Variants in ULK4 observed in about 807,000 individuals in gnomAD.
ULK4 encodes the protein inactive serine/threonine-protein kinase ULK4.
ULK4 carries 133 observed loss-of-function variants against 160.6 expected under a neutral mutation model. The observed-to-expected ratio is 0.83, with a 90% CI of 0.72 to 0.96. The LOEUF (loss-of-function observed/expected upper bound fraction) is 0.96, where lower values mean the gene tolerates loss of function less well. Ranked by LOEUF, ULK4 falls within the 40% of genes least tolerant of loss-of-function variation. The probability of loss-of-function intolerance (pLI) is 0.00; values close to 1 mark genes in which losing one functional copy is unlikely to be tolerated. For synonymous variants in ULK4, 534 were observed against 539.8 expected, an observed-to-expected ratio of 0.99 and a Z score of 0.15; for missense variants, 1,580 against 1,499.5, an observed-to-expected ratio of 1.05 and a Z score of -0.89.
intron 30 of ULK4, among the ~76,000 whole-genome samples, chr3:41,632,138 A>T (rs1179622461): frequency 6.6e-6 from 1 of 152,154 alleles, no homozygotes; most frequent in Non-Finnish European, 1.5e-5. Flanking sequence ...CACATGTAAG[A>T]GGTATGCACA....
intron 32 of ULK4, among the ~76,000 whole-genome samples, chr3:41,482,214 A>G (rs1245333604): frequency 6.6e-6 from 1 of 152,168 alleles, no homozygotes; most frequent in African/African-American, 2.4e-5. Flanking sequence ...GTTACTGTGC[A>G]GCAGCCAGTC....
intron 32 of ULK4, among the ~76,000 whole-genome samples, chr3:41,506,807 T>TATATATATATATAC (rs1559658299): frequency 2.9e-4 from 32 of 110,688 alleles, no homozygotes; most frequent in African/African-American, 1.1e-3. Flanking sequence ...TATATATATA[T>TATATATATATATAC]GAACATGTTT....
In ULK4 at chr3:41,836,008, A is replaced by T. The variant is rs1188815950; in HGVS notation, c.1657-37T>A. 3 of 1,361,296 alleles carry T rather than the reference A, an allele frequency of 2.2e-6. No homozygotes were observed. The African/African-American group carries it at 4.5e-5, about 20-fold the overall frequency. The allele number at this position is 1,361,296 out of a possible 1,614,324, so 84.3% of individuals were successfully genotyped here. ...AAAAAAAAAAAAGTAAATTATTTCAAATGTATCTCTCAGTTCTTAAACCTA... is the reference window on the plus strand; with the variant it reads ...AAAAAAAAAAAAGTAAATTATTTCATATGTATCTCTCAGTTCTTAAACCTA... On this transcript the variant is annotated intron_variant, in intron 17 of 36. Transcript: ENST00000301831.
intron 27 of ULK4, among the ~76,000 whole-genome samples, chr3:41,686,343 G>A (rs2036100217): frequency 6.6e-6 from 1 of 152,098 alleles, no homozygotes; most frequent in South Asian, 2.1e-4. Flanking sequence ...GAAAAGCCAG[G>A]GTTTCTTGGA....
chr3:41,319,985 A>C (rs2080217265), intron 35 of ULK4, among the ~76,000 whole-genome samples: 1 of 152,242 alleles, frequency 6.6e-6, no homozygotes, highest in South Asian at 2.1e-4. Flanking sequence ...CATAACTTAA[A>C]GTTCAGTAGT....
chr3:41,467,665 G>T (rs2083869078), intron 32 of ULK4, among the ~76,000 whole-genome samples: 1 of 151,904 alleles, frequency 6.6e-6, no homozygotes, highest in African/African-American at 2.4e-5. Flanking sequence ...CAAGAACATA[G>T]ATGAATCTCA....
At chr3:41,514,262 G>A (rs949295898) in intron 32 of ULK4, among the ~76,000 whole-genome samples, 3 of 152,090 alleles carry the variant, frequency 2.0e-5, no homozygotes, top group Non-Finnish European at 4.4e-5. Context: ...AGCCTTTTTG[G>A]GGGGACAACT....
chr3:41,512,513 C>T lies in ULK4; in HGVS notation c.3227-49260G>A, dbSNP rs576168500. Among the ~76,000 whole-genome samples the T allele has an allele frequency of 3.1e-4, 47 of 152,266 alleles. 1 individual carries two copies. The highest frequency in any genetic ancestry group is 1.1e-3 in the African/African-American group (47 of 41,554). On this transcript the variant is annotated intron_variant, in intron 32 of 36. Transcript: ENST00000301831. ...TGAGAATCAAATCAAGAACTCAACC[C>T]TTTTTACAATAGCTGTAAAAATTAA...
chr3:41,950,041 T>G (rs1392679019), intron 2 of ULK4, among the ~76,000 whole-genome samples: 1 of 152,058 alleles, frequency 6.6e-6, no homozygotes, highest in East Asian at 1.9e-4. Context: ...TGGCACGGTC[T>G]GATGAGTTTT....
intron 32 of ULK4, among the ~76,000 whole-genome samples, chr3:41,562,640 T>C (rs1034239197): frequency 1.3e-5 from 2 of 152,196 alleles, no homozygotes; most frequent in African/African-American, 2.4e-5. Flanking sequence ...TTTTCATCTT[T>C]GTTGGTTTAA....
At chr3:41,780,283 C>T (rs2039790233) in intron 21 of ULK4, among the ~76,000 whole-genome samples, 1 of 151,826 alleles carries the variant, frequency 6.6e-6, no homozygotes, top group South Asian at 2.1e-4. Flanking sequence ...ACTCCAGCCT[C>T]GGAGAAAGAG....
At chr3:41,922,594 C>A (rs1575955542) in intron 5 of ULK4, among the ~76,000 whole-genome samples, 1 of 103,548 alleles carries the variant, frequency 9.7e-6, no homozygotes, top group Admixed American at 1.5e-4. Flanking sequence ...AACACAAAGC[C>A]AAAGGTGGGG....
At chr3:41,562,867 G>T (rs1460986515) in intron 32 of ULK4, among the ~76,000 whole-genome samples, 1 of 152,130 alleles carries the variant, frequency 6.6e-6, no homozygotes, top group Admixed American at 6.5e-5. Context: ...TACATTTAAG[G>T]TTAATACTGT....
At chr3:41,888,091 AT>A (rs1012977564) in intron 16 of ULK4, among the ~76,000 whole-genome samples, 1 of 151,550 alleles carries the variant, frequency 6.6e-6, no homozygotes, top group African/African-American at 2.4e-5. Context: ...GTGAGACCCT[AT>A]TTTTTTTAGA....
chr3:41,300,505 G>C (rs376612905), intron 35 of ULK4, among the ~76,000 whole-genome samples: 1 of 152,004 alleles, frequency 6.6e-6, no homozygotes, highest in African/African-American at 2.4e-5. Context: ...GGATTTTGTC[G>C]TAAGTTTTCA....
chr3:41,804,494 C>T (rs1186980388), intron 19 of ULK4, among the ~76,000 whole-genome samples: 1 of 150,680 alleles, frequency 6.6e-6, no homozygotes, highest in Non-Finnish European at 1.5e-5. Context: ...TAATTAGATC[C>T]CATTTGTCAA....
chr3:41,749,685 T>C (rs1419711260), intron 22 of ULK4, among the ~76,000 whole-genome samples: 1 of 152,088 alleles, frequency 6.6e-6, no homozygotes, highest in African/African-American at 2.4e-5. Flanking sequence ...GGAGCATCTG[T>C]ATTGGGAAGT....
At chr3:41,696,403 G>C (rs2036502650) in intron 27 of ULK4, among the ~76,000 whole-genome samples, 1 of 152,174 alleles carries the variant, frequency 6.6e-6, no homozygotes, top group Non-Finnish European at 1.5e-5. Context: ...TGCCAGGCAG[G>C]GAAGGGCCCC....
At chr3:41,828,355 A>T (rs150594648) in intron 18 of ULK4, among the ~76,000 whole-genome samples, 23,156 of 144,576 alleles carry the variant, frequency 0.16, 1,995 homozygotes, top group Middle Eastern at 0.31. Flanking sequence ...CAGGAAGTCA[A>T]ATTGTCCCTG....
Sources: allele counts gnomAD v4.1 joint callset (sites outside exome capture counted in the v4.1 genomes callset), GRCh38; gene constraint gnomAD v4.1.1; transcripts MANE v1.5; gene names NCBI Gene and HGNC (gene_info 2026-07-23, HGNC 2026-07-21).